The following DPY30 variants were observed in gnomAD, a reference collection of about 807,000 sequenced individuals.
The protein encoded by DPY30 is dpy-30 histone methyltransferase complex regulatory subunit, also known as protein dpy-30 homolog.
DPY30 carries 6 observed loss-of-function variants against 16.2 expected under a neutral mutation model. The observed-to-expected ratio is 0.37, with a 90% CI of 0.20 to 0.73. The LOEUF (loss-of-function observed/expected upper bound fraction) is 0.73. Ranked by LOEUF, DPY30 falls within the 30% of genes least tolerant of loss-of-function variation. The pLI, the probability that DPY30 is intolerant of heterozygous loss-of-function variation, is 0.51. For synonymous variants in DPY30, 39 were observed against 38.8 expected (o/e 1.00, Z -0.02); for missense variants, 73 against 113.1 (o/e 0.65, Z 1.61).
intron 5 of DPY30, among the ~76,000 whole-genome samples, chr2:32,014,464 G>C (rs1675025357): frequency 6.6e-6 from 1 of 152,024 alleles, no homozygotes; most frequent in Non-Finnish European, 1.5e-5. Flanking sequence ...CTCCAGGCTG[G>C]GCAACACAGT....
At chr2:32,028,114 T>A (rs1377888391) in intron 4 of DPY30, among the ~76,000 whole-genome samples, 1 of 145,362 alleles carries the variant, frequency 6.9e-6, no homozygotes, top group Non-Finnish European at 1.5e-5. Context: ...TATATTTCCT[T>A]TTTTTTTTTT....
At chr2:32,039,519 T>C (rs1333890375) in intron 1 of DPY30, 27 bp from the exon 2 acceptor site, 1 of 1,611,076 alleles carries the variant, frequency 6.2e-7, no homozygotes, top group Admixed American at 1.7e-5. Context: ...AGCCGCGAGT[T>C]ACCTGGGAGA....
At chr2:32,028,060 TTATC>T (rs1675399985) in intron 4 of DPY30, among the ~76,000 whole-genome samples, 2 of 152,036 alleles carry the variant, frequency 1.3e-5, no homozygotes, top group African/African-American at 2.4e-5. Flanking sequence ...TATAAACAAA[TTATC>T]TATTCTAAGT....
At chr2:32,028,954 ACT>A (rs897147144) in intron 4 of DPY30, among the ~76,000 whole-genome samples, 18 of 151,778 alleles carry the variant, frequency 1.2e-4, no homozygotes, top group Non-Finnish European at 2.5e-4. Context: ...ACATAGCAAG[ACT>A]CTGTCTCAAA....
chr2:32,022,693 T>G (rs965364964), downstream of DPY30, among the ~76,000 whole-genome samples: 2 of 151,804 alleles, frequency 1.3e-5, no homozygotes, highest in Admixed American at 6.6e-5. Flanking sequence ...GATTTTTGTA[T>G]TTTTAGTAGA....
intron 5 of DPY30, among the ~76,000 whole-genome samples, chr2:32,017,819 C>T (rs1055678484): frequency 6.6e-6 from 1 of 152,120 alleles, no homozygotes; most frequent in African/African-American, 2.4e-5. Flanking sequence ...GGTCTGAATG[C>T]TGTGTTCCCC....
chr2:32,019,820 CAA>C (rs1169379455), downstream of DPY30, among the ~76,000 whole-genome samples: 364 of 86,630 alleles, frequency 4.2e-3, 3 homozygotes, highest in South Asian at 0.05. Flanking sequence ...AACTCCGTCT[CAA>C]AAAAAAAAAA....
intron 3 of DPY30, among the ~76,000 whole-genome samples, chr2:32,037,328 A>G (rs1316484650): frequency 6.6e-6 from 1 of 152,108 alleles, no homozygotes; most frequent in Non-Finnish European, 1.5e-5. Context: ...CTTTTGAGAC[A>G]AGGTCTCCCT....
chr2:32,011,967 G>C (rs1245546765), exon 6 of DPY30: 9 of 152,112 alleles, frequency 5.9e-5, no homozygotes, highest in African/African-American at 1.7e-4. Context: ...GAGGCGGGAG[G>C]ATCACTTGAG....
downstream of DPY30, among the ~76,000 whole-genome samples, chr2:32,020,025 T>C (rs950246253): frequency 6.7e-6 from 1 of 148,266 alleles, no homozygotes; most frequent in Non-Finnish European, 1.5e-5. Context: ...CTCTGTAACC[T>C]TAAGGAAATT....
At chr2:32,029,453 T>C in intron 4 of DPY30, 141 bp downstream of exon 4, 1 of 974,956 alleles carries the variant, frequency 1.0e-6, no homozygotes. Flanking sequence ...AATTATGAGA[T>C]TATGGCTGAA....
At chr2:32,031,164 T>C (rs1435342371) in intron 3 of DPY30, among the ~76,000 whole-genome samples, 4 of 152,120 alleles carry the variant, frequency 2.6e-5, no homozygotes, top group African/African-American at 9.7e-5. Flanking sequence ...GGCTGACTCC[T>C]GTAAACCCAG....
chr2:32,026,236 C>T (rs1010745349), intron 4 of DPY30, among the ~76,000 whole-genome samples: 1 of 152,026 alleles, frequency 6.6e-6, no homozygotes, highest in African/African-American at 2.4e-5. Context: ...TAGTAAGACC[C>T]CAACTCTTCA....
downstream of DPY30, chr2:32,021,126 G>A (rs139157003): frequency 0.015 from 2,254 of 152,120 alleles, 32 homozygotes; most frequent in Middle Eastern, 0.024. Context: ...AAAATTAGCC[G>A]GGTGTGGTGG....
At chr2:32,037,241 T>C (rs1413433518) in intron 3 of DPY30, among the ~76,000 whole-genome samples, 2 of 152,118 alleles carry the variant, frequency 1.3e-5, no homozygotes, top group Non-Finnish European at 2.9e-5. Flanking sequence ...TCTCCAGAAA[T>C]GGTCAATATG....
downstream of DPY30, chr2:32,023,812 C>T: frequency 7.6e-7 from 1 of 1,307,916 alleles, no homozygotes; most frequent in Non-Finnish European, 1.0e-6. Flanking sequence ...TAAAACTCTG[C>T]AGCATTTGAA....
At chr2:32,037,456 C>T (rs1675787941) in intron 3 of DPY30, among the ~76,000 whole-genome samples, 2 of 152,050 alleles carry the variant, frequency 1.3e-5, no homozygotes, top group Admixed American at 6.6e-5. Flanking sequence ...TAGGCACGTA[C>T]CGTCACACCC....
chr2:32,036,205 T>C (rs1675731817), intron 3 of DPY30, among the ~76,000 whole-genome samples: 1 of 151,726 alleles, frequency 6.6e-6, no homozygotes, highest in Non-Finnish European at 1.5e-5. Context: ...CTTAAACTCC[T>C]AGATTCAAGG....
intron 3 of DPY30, among the ~76,000 whole-genome samples, chr2:32,035,602 A>C (rs1408294671): frequency 6.6e-6 from 1 of 151,302 alleles, no homozygotes; most frequent in Non-Finnish European, 1.5e-5. Context: ...AAAAAAAAAA[A>C]AACATTTATA....
Sources: allele counts gnomAD v4.1 joint callset (sites outside exome capture counted in the v4.1 genomes callset), GRCh38; gene constraint gnomAD v4.1.1; transcripts MANE v1.5; gene names NCBI Gene and HGNC (gene_info 2026-07-23, HGNC 2026-07-21).